Variants in CFAP70 observed in about 807,000 individuals in gnomAD.
CFAP70 encodes cilia- and flagella-associated protein 70.
Under a neutral mutation model 137.6 loss-of-function variants are expected in CFAP70, and 81 were observed. That is an observed-to-expected ratio of 0.59 (90% CI 0.49 to 0.71). The LOEUF is 0.71. CFAP70 is among the 30% of genes least tolerant of loss of function. The pLI, the probability that CFAP70 is intolerant of heterozygous loss-of-function variation, is 0.00. For missense variants in CFAP70, 976 were observed against 1,226.7 expected (o/e 0.80, Z 3.05); for synonymous variants, 382 against 423.6 (o/e 0.90, Z 1.20).
intron 6 of CFAP70, among the ~76,000 whole-genome samples, chr10:73,340,805 G>C (rs1183669117): frequency 3.9e-5 from 6 of 152,254 alleles, no homozygotes; most frequent in Non-Finnish European, 8.8e-5. Flanking sequence ...CAGGCACCAG[G>C]AGTAGGCAGA....
intron 6 of CFAP70, among the ~76,000 whole-genome samples, chr10:73,338,442 T>C (rs2052913618): frequency 6.7e-6 from 1 of 148,288 alleles, no homozygotes; most frequent in South Asian, 2.1e-4. Context: ...CTTTTTTTTT[T>C]TTTTTTTTTA....
chr10:73,319,470 C>A (rs772132057), intron 9 of CFAP70, among the ~76,000 whole-genome samples: 6 of 152,170 alleles, frequency 3.9e-5, no homozygotes, highest in Non-Finnish European at 7.3e-5. Context: ...AGCCCCCCTA[C>A]CCCCACCTCA....
intron 12 of CFAP70, among the ~76,000 whole-genome samples, chr10:73,304,250 C>T (rs1013960294): frequency 6.6e-6 from 1 of 152,110 alleles, no homozygotes; most frequent in Non-Finnish European, 1.5e-5. Context: ...GGCAGGGTTT[C>T]CCCACATTGG....
chr10:73,274,654 G>T, intron 22 of CFAP70, 60 bp from the exon 24 acceptor site: 1 of 1,395,488 alleles, frequency 7.2e-7, no homozygotes, highest in Non-Finnish European at 9.7e-7. Flanking sequence ...GTACCTTGAT[G>T]ATCTTTGTTT....
At chr10:73,326,440 A>G (rs1211968485) in intron 8 of CFAP70, among the ~76,000 whole-genome samples, 18 of 147,492 alleles carry the variant, frequency 1.2e-4, no homozygotes. Context: ...GAAAAGCAAG[A>G]GCAAACACAT....
At chr10:73,298,256 A>G (rs2048689289) in intron 14 of CFAP70, among the ~76,000 whole-genome samples, 1 of 152,240 alleles carries the variant, frequency 6.6e-6, no homozygotes, top group African/African-American at 2.4e-5. Flanking sequence ...TAAGGATTAA[A>G]TTAGTAAAAT....
Position 73,348,411 on chromosome 10 carries a change from C to G in CFAP70, c.349+12G>C. 6.2e-7 allele frequency: 1 copy of G among 1,605,966 alleles called. No homozygotes were observed. Among genetic ancestry groups the G allele is most frequent in the African/African-American group, 1.3e-5 (1 of 74,794 alleles). ...TTTCCATTTCTGCTTTTGGGCAAAG[C>G]ACACATCTGACCTTCCAGTAAGGGA... On this transcript the variant is annotated intron_variant, in intron 4 of 26. Coordinates refer to ENST00000310715, the Ensembl canonical transcript of CFAP70.
At chr10:73,254,095 C>G in intron 26 of CFAP70, 40 bp from the exon 28 acceptor site, 1 of 1,513,872 alleles carries the variant, frequency 6.6e-7, no homozygotes, top group Non-Finnish European at 9.1e-7. Flanking sequence ...ATATGTCATA[C>G]GTGATATACT....
intron 8 of CFAP70, among the ~76,000 whole-genome samples, chr10:73,330,780 C>G (rs1203908197): frequency 1.3e-5 from 2 of 152,094 alleles, no homozygotes; most frequent in Non-Finnish European, 2.9e-5. Flanking sequence ...CTCATCAAAG[C>G]TATACCTTTT....
intron 5 of CFAP70, 70 bp from the exon 7 acceptor site, chr10:73,341,651 AG>A: frequency 7.3e-7 from 1 of 1,362,312 alleles, no homozygotes; most frequent in South Asian, 1.2e-5. Context: ...AGATTATTCA[AG>A]TGTCTTTTCA....
chr10:73,306,079 G>T (rs1198295611), intron 12 of CFAP70, among the ~76,000 whole-genome samples: 1 of 152,092 alleles, frequency 6.6e-6, no homozygotes, highest in Non-Finnish European at 1.5e-5. Flanking sequence ...CAGCAGATTT[G>T]ATCAGGCAGA....
intron 12 of CFAP70, among the ~76,000 whole-genome samples, chr10:73,301,854 C>A (rs1274479417): frequency 1.3e-5 from 2 of 151,998 alleles, no homozygotes; most frequent in South Asian, 4.2e-4. Flanking sequence ...CATGAACACC[C>A]AATCATCACG....
intron 19 of CFAP70, among the ~76,000 whole-genome samples, chr10:73,284,800 AT>A (rs2047557922): frequency 2.4e-5 from 2 of 83,598 alleles, no homozygotes; most frequent in Non-Finnish European, 4.8e-5. Flanking sequence ...ATATATATAT[AT>A]ATAAAAGTTG....
At chr10:73,361,293 CTTTTT>C (rs577780984), upstream of CFAP70, among the ~76,000 whole-genome samples, 9 of 128,376 alleles carry the variant, frequency 7.0e-5, no homozygotes, top group Non-Finnish European at 1.1e-4. Flanking sequence ...CATGCCCGGC[CTTTTT>C]TTTTTTTTTT....
intron 25 of CFAP70, among the ~76,000 whole-genome samples, chr10:73,261,988 A>AT (rs1355435004): frequency 1.5e-5 from 2 of 133,944 alleles, no homozygotes; most frequent in African/African-American, 2.6e-5. Flanking sequence ...ATGTATACAT[A>AT]TGTATATATG....
At chr10:73,352,736 T>A (rs545071987) in intron 3 of CFAP70, among the ~76,000 whole-genome samples, 2 of 152,338 alleles carry the variant, frequency 1.3e-5, no homozygotes, top group East Asian at 3.9e-4. Context: ...CTGCTTTTAA[T>A]CCTTTTTATT....
rs2050181956 is a variant in CFAP70 at position 73,314,590 on chromosome 10, AC to A, written c.913-1948del. Among the ~76,000 whole-genome samples the A allele has an allele frequency of 4.6e-5, 7 of 152,074 alleles. No individual in the cohort carries two copies. In the South Asian group the frequency reaches 1.5e-3, roughly 32 times the overall value. ...TATAGCATGTGTCAGTTGGTTCATT[AC>A]TTTTTTATTTTTTATTTTAGTTATT... On this transcript the variant is annotated intron_variant, in intron 9 of 26. Coordinates refer to ENST00000310715, the Ensembl canonical transcript of CFAP70.
intron 9 of CFAP70, among the ~76,000 whole-genome samples, chr10:73,321,976 T>G (rs1465690094): frequency 6.6e-6 from 1 of 151,964 alleles, no homozygotes; most frequent in Non-Finnish European, 1.5e-5. Context: ...TAGAGACGGG[T>G]TTTTGCCATG....
chr10:73,321,995 G>C (rs2050899980), intron 9 of CFAP70, among the ~76,000 whole-genome samples: 1 of 152,126 alleles, frequency 6.6e-6, no homozygotes, highest in Non-Finnish European at 1.5e-5. Flanking sequence ...TGTTGGCCAG[G>C]CTGGTTTCCA....
Sources: allele counts gnomAD v4.1 joint callset (sites outside exome capture counted in the v4.1 genomes callset), GRCh38; gene constraint gnomAD v4.1.1; transcripts MANE v1.5; gene names NCBI Gene and HGNC (gene_info 2026-07-23, HGNC 2026-07-21).